MOB3B: variants seen among roughly 807,000 people sequenced by gnomAD.
MOB3B encodes the protein MOB kinase activator 3B.
MOB3B carries 7 observed loss-of-function variants against 18.7 expected under a neutral mutation model. That is an observed-to-expected ratio of 0.37 (90% CI 0.21 to 0.70). The LOEUF (loss-of-function observed/expected upper bound fraction) is 0.70. Ranked by LOEUF, MOB3B falls within the 30% of genes least tolerant of loss-of-function variation. The pLI is 0.52. For synonymous variants in MOB3B, 111 were observed against 99.9 expected (o/e 1.11, Z -0.66); for missense variants, 253 against 281.3 (o/e 0.90, Z 0.72).
chr9:27,524,009 C>A (rs1820384370), intron 1 of MOB3B, among the ~76,000 whole-genome samples: 1 of 151,966 alleles, frequency 6.6e-6, no homozygotes, highest in Non-Finnish European at 1.5e-5. Context: ...CTGAAATACC[C>A]TGCATCAGTC....
Position 27,330,372 on chromosome 9 carries a change from T to C in MOB3B, c.*215A>G. On this transcript the variant is annotated 3_prime_UTR_variant, in exon 4 of 4. Transcript: ENST00000262244. The stretch of plus-strand genomic sequence containing the variant: ...AGGGGCTGGTCCTTCTTTCACGTTG[T>C]GGTCTGCCTCGTCCACAGGTCTGGG... The C allele has an allele frequency of 1.9e-6, 1 of 531,734 alleles. No individual in the cohort carries two copies. The highest frequency in any genetic ancestry group is 3.3e-6 in the Non-Finnish European group (1 of 304,236). The allele number at this position is 531,734 out of a possible 1,614,324, so 32.9% of individuals were successfully genotyped here.
intron 1 of MOB3B, among the ~76,000 whole-genome samples, chr9:27,481,187 CAAAA>C (rs1203855902): frequency 1.3e-5 from 2 of 151,990 alleles, no homozygotes; most frequent in African/African-American, 2.4e-5. Flanking sequence ...CATAAAAAGA[CAAAA>C]AAGGCGAGAA....
intron 2 of MOB3B, chr9:27,421,096 A>AT (rs141564631): frequency 1.0e-3 from 146 of 146,302 alleles, no homozygotes; most frequent in South Asian, 4.8e-3. Context: ...TCTCACCTCC[A>AT]TTTTTTTTTT....
chr9:27,400,332 A>G (rs1384315066), intron 2 of MOB3B, among the ~76,000 whole-genome samples: 1 of 152,008 alleles, frequency 6.6e-6, no homozygotes, highest in Non-Finnish European at 1.5e-5. Flanking sequence ...CATTCACCCA[A>G]TGCACCCACT....
At chr9:27,418,934 AT>A (rs1258645306) in intron 2 of MOB3B, among the ~76,000 whole-genome samples, 1 of 130,064 alleles carries the variant, frequency 7.7e-6, no homozygotes, top group Non-Finnish European at 1.7e-5. Flanking sequence ...CCTAGAACTG[AT>A]AAAAAAAAAT....
intron 1 of MOB3B, among the ~76,000 whole-genome samples, chr9:27,491,520 C>T (rs923966488): frequency 1.3e-5 from 2 of 152,084 alleles, no homozygotes; most frequent in Non-Finnish European, 2.9e-5. Flanking sequence ...TAAAAAAAGA[C>T]ATATATCTGT....
At chr9:27,480,187 C>G (rs935452255) in intron 1 of MOB3B, among the ~76,000 whole-genome samples, 1 of 151,858 alleles carries the variant, frequency 6.6e-6, no homozygotes, top group Non-Finnish European at 1.5e-5. Context: ...GAGTCTCACT[C>G]TGTTGCCCAG....
At chr9:27,425,314 G>A (rs1822310253) in intron 2 of MOB3B, among the ~76,000 whole-genome samples, 1 of 151,524 alleles carries the variant, frequency 6.6e-6, no homozygotes, top group African/African-American at 2.4e-5. Flanking sequence ...GGCGGAGGTT[G>A]CGGTGAGCCG....
intron 2 of MOB3B, among the ~76,000 whole-genome samples, chr9:27,434,898 A>C (rs1255740473): frequency 6.6e-6 from 1 of 152,178 alleles, no homozygotes; most frequent in Non-Finnish European, 1.5e-5. Flanking sequence ...CTGTAGGAGA[A>C]CATAATACAC....
chr9:27,512,902 T>A (rs1820168058), intron 1 of MOB3B, among the ~76,000 whole-genome samples: 1 of 152,242 alleles, frequency 6.6e-6, no homozygotes, highest in African/African-American at 2.4e-5. Context: ...GCATTTGTTC[T>A]ATGTACACAC....
At chr9:27,346,085 G>C (rs1331954933) in intron 3 of MOB3B, among the ~76,000 whole-genome samples, 1 of 152,226 alleles carries the variant, frequency 6.6e-6, no homozygotes, top group African/African-American at 2.4e-5. Context: ...CCACCCTCAT[G>C]AATGGGATTA....
chr9:27,486,669 A>G lies in MOB3B; in HGVS notation c.-198-30921T>C, dbSNP rs541477676. 3.0e-4 allele frequency among the ~76,000 whole-genome samples: 46 copies of G among 152,348 alleles called. 1 individual carries two copies. In the South Asian group the frequency reaches 8.1e-3, roughly 27 times the overall value. ...TTATGTTAGTTAGCTCTGGCCTTCT[A>G]GAGATGAGAAGCAGAAATCCACCCA... On this transcript the variant is annotated intron_variant, in intron 1 of 3. Transcript: ENST00000262244.
intron 2 of MOB3B, among the ~76,000 whole-genome samples, chr9:27,420,090 C>G (rs1822216779): frequency 6.6e-6 from 1 of 152,042 alleles, no homozygotes; most frequent in Non-Finnish European, 1.5e-5. Context: ...AAATGCAAAT[C>G]AAAACCACAA....
At chr9:27,448,047 C>T (rs1166822120) in intron 2 of MOB3B, among the ~76,000 whole-genome samples, 4 of 152,068 alleles carry the variant, frequency 2.6e-5, no homozygotes, top group African/African-American at 9.7e-5. Context: ...TCAAGGCATC[C>T]CTTCGAGAGG....
intron 1 of MOB3B, among the ~76,000 whole-genome samples, chr9:27,513,902 T>C (rs369238250): frequency 0.017 from 18 of 1,056 alleles, no homozygotes; most frequent in African/African-American, 0.026. Flanking sequence ...GATGGATGGA[T>C]GGATGGATGG....
At chr9:27,360,144 T>G (rs1411439449) in intron 2 of MOB3B, among the ~76,000 whole-genome samples, 2 of 152,104 alleles carry the variant, frequency 1.3e-5, no homozygotes, top group African/African-American at 2.4e-5. Flanking sequence ...TAGAACATAG[T>G]GAAAGCTTAT....
At chr9:27,333,425 C>T (rs918405991) in intron 3 of MOB3B, among the ~76,000 whole-genome samples, 1 of 152,138 alleles carries the variant, frequency 6.6e-6, no homozygotes, top group Admixed American at 6.5e-5. Flanking sequence ...TCAGAGCCCT[C>T]CCGCAGGCTA....
At chr9:27,429,072 A>T (rs556227617) in intron 2 of MOB3B, among the ~76,000 whole-genome samples, 1 of 152,224 alleles carries the variant, frequency 6.6e-6, no homozygotes, top group Non-Finnish European at 1.5e-5. Flanking sequence ...TGTAACCCCC[A>T]TAAGTCTTTA....
At chr9:27,518,759 A>T (rs1025697163) in intron 1 of MOB3B, among the ~76,000 whole-genome samples, 1 of 152,134 alleles carries the variant, frequency 6.6e-6, no homozygotes, top group Non-Finnish European at 1.5e-5. Flanking sequence ...AAGCAGCAAA[A>T]GGGGGTGGTG....
Sources: allele counts gnomAD v4.1 joint callset (sites outside exome capture counted in the v4.1 genomes callset), GRCh38; gene constraint gnomAD v4.1.1; transcripts MANE v1.5; gene names NCBI Gene and HGNC (gene_info 2026-07-23, HGNC 2026-07-21).